The following NSD1 variants were observed in gnomAD, a reference collection of about 807,000 sequenced individuals.
The protein encoded by NSD1 is histone-lysine N-methyltransferase, H3 lysine-36 specific.
NSD1 carries 26 observed loss-of-function variants against 242.7 expected under a neutral mutation model. The ratio of observed to expected loss-of-function variants is 0.11; its 90% CI spans 0.08 to 0.15. The LOEUF is 0.15. Ranked by LOEUF, NSD1 falls within the 10% of genes least tolerant of loss-of-function variation. The pLI is 1.00. For missense variants in NSD1, 2,495 were observed against 3,272.8 expected, an observed-to-expected ratio of 0.76 and a Z score of 5.80; for synonymous variants, 1,106 against 1,178.1, an observed-to-expected ratio of 0.94 and a Z score of 1.25.
At chr5:177,132,981 T>C (rs186329298), upstream of NSD1, 637 of 152,804 alleles carry the variant, frequency 4.2e-3, 11 homozygotes, top group East Asian at 0.036. The surrounding 1 kb of genome is among the most constrained non-coding windows in gnomAD (Gnocchi z 7.5). Flanking sequence ...TGCACAGGCT[T>C]GGCTCAGGGA....
Position 177,238,572 on chromosome 5 carries a change from A to G in NSD1, c.4192+65A>G, listed in dbSNP as rs1407070283. The G allele has an allele frequency of 2.5e-6, 4 of 1,570,212 alleles. No homozygotes were observed. Among genetic ancestry groups the G allele is most frequent in the East Asian group, 4.5e-5 (2 of 44,750 alleles). ...ATTAGAGGAAGCAGGAGATTTTAGT[A>G]TGTTTTGATGTAAAGCCAACATTGT... On this transcript the variant is annotated intron_variant, in intron 7 of 22. Coordinates refer to ENST00000439151, the MANE Select transcript of NSD1 (RefSeq NM_022455.5). This position sits in a 1 kb window ranked among gnomAD's most constrained non-coding sequence, Gnocchi z 4.6.
chr5:177,269,104 A>G lies in NSD1; in HGVS notation c.5304-498A>G, dbSNP rs1400247662. On this transcript the variant is annotated intron_variant, in intron 15 of 22. Coordinates refer to ENST00000439151, the MANE Select transcript of NSD1 (RefSeq NM_022455.5). The surrounding 1 kb of genome is among the most constrained non-coding windows in gnomAD (Gnocchi z 5.1). ...CCCTAAAGTGGCTGTATAGTAATTT[A>G]CATTCTTTGATTTTGTTTGTATGTG... is the stretch of plus-strand genomic sequence containing the variant. Among the ~76,000 whole-genome samples, 2 of 152,102 alleles carry G rather than the reference A, an allele frequency of 1.3e-5. No individual in the cohort carries two copies. The highest frequency in any genetic ancestry group is 2.4e-5 in the African/African-American group (1 of 41,424).
intron 17 of NSD1, among the ~76,000 whole-genome samples, chr5:177,276,644 TC>T (rs377618651): frequency 6.6e-6 from 1 of 151,592 alleles, no homozygotes; most frequent in East Asian, 1.9e-4. Flanking sequence ...TGCTTTTTTC[TC>T]CCCCCCTTTA....
chr5:177,223,526 T>C (rs1268662949), intron 5 of NSD1, among the ~76,000 whole-genome samples: 1 of 151,866 alleles, frequency 6.6e-6, no homozygotes, highest in Non-Finnish European at 1.5e-5. Context: ...TGAGCTGATA[T>C]TGTGCCATAG....
rs200856103 is a variant in NSD1 at position 177,211,488 on chromosome 5, T to C, written c.3089T>C (p.Leu1030Ser). 1.2e-4 allele frequency: 192 copies of C among 1,614,138 alleles called. No individual in the cohort carries two copies. The highest frequency in any genetic ancestry group is 1.5e-4 in the Non-Finnish European group (179 of 1,180,032). ...GGACGATCAAAGCCTTCATCCAAAT[T>C]GCGAGATGCTTTTTCAGCCCAAATG... ...NCGRSKPSSKLRDAFSAQMVK... is the reference protein window; with the variant it reads ...NCGRSKPSSKSRDAFSAQMVK... Residue 1030 changes from leucine to serine, a missense_variant, in exon 5 of 23, where the codon TTG (leucine) becomes TCG (serine). This residue lies in a region of NSD1 where 426 missense variants were observed against 411.4 expected (regional missense o/e 1.04). Transcript: ENST00000439151.
intron 2 of NSD1, among the ~76,000 whole-genome samples, chr5:177,188,446 A>G (rs527854844): frequency 6.6e-6 from 1 of 152,230 alleles, no homozygotes; most frequent in Non-Finnish European, 1.5e-5. Flanking sequence ...TGGTCATGTA[A>G]ATTTTTCAAG....
chr5:177,158,510 G>A (rs1758392053), intron 2 of NSD1, among the ~76,000 whole-genome samples: 1 of 151,408 alleles, frequency 6.6e-6, no homozygotes, highest in Admixed American at 6.6e-5. Context: ...GCTAATGTTT[G>A]TATTTTTGGT....
intron 2 of NSD1, among the ~76,000 whole-genome samples, chr5:177,158,301 CTTTT>C (rs1180140111): frequency 9.2e-6 from 1 of 108,566 alleles, no homozygotes; most frequent in African/African-American, 3.4e-5. Flanking sequence ...TTCTTTCTTT[CTTTT>C]CTTTCTTTTC....
Position 177,238,600 on chromosome 5 carries a change from C to A in NSD1, c.4192+93C>A. The stretch of plus-strand genomic sequence containing the variant: ...TTTTGATGTAAAGCCAACATTGTAT[C>A]TATATACAATAAACTACCCCCTTTT... On this transcript the variant is annotated intron_variant, in intron 7 of 22. Transcript: ENST00000439151. The surrounding 1 kb of genome is among the most constrained non-coding windows in gnomAD (Gnocchi z 4.6). The A allele has an allele frequency of 7.2e-7, 1 of 1,393,546 alleles. No homozygotes were observed. Among genetic ancestry groups the A allele is most frequent in the Non-Finnish European group, 1.0e-6 (1 of 993,760 alleles). 86.3% of individuals were successfully genotyped at this position (1,393,546 alleles called of 1,614,324 possible).
At chr5:177,263,653 T>C (rs1018681931) in intron 14 of NSD1, among the ~76,000 whole-genome samples, 1 of 152,266 alleles carries the variant, frequency 6.6e-6, no homozygotes, top group Non-Finnish European at 1.5e-5. Flanking sequence ...TGCATACTGA[T>C]GGTTATCTTG....
intron 20 of NSD1, among the ~76,000 whole-genome samples, chr5:177,284,378 A>C (rs1759131591): frequency 6.6e-6 from 1 of 152,198 alleles, no homozygotes; most frequent in East Asian, 1.9e-4. Context: ...ACTGGGCTCA[A>C]GCAATCCTGC....
At chr5:177,149,337 GC>G (rs1757517026) in intron 2 of NSD1, among the ~76,000 whole-genome samples, 1 of 151,770 alleles carries the variant, frequency 6.6e-6, no homozygotes, top group Non-Finnish European at 1.5e-5. Flanking sequence ...TCGTGCGTCA[GC>G]CTCTGGAGTA....
chr5:177,204,316 A>G (rs1396766414), intron 4 of NSD1, 24 bp downstream of exon 4: 1 of 1,603,442 alleles, frequency 6.2e-7, no homozygotes, highest in Non-Finnish European at 8.5e-7. Context: ...AAGGCTTTTT[A>G]TTGAGTGACA....
rs1756248772 is a variant in NSD1, at chr5:177,135,596, G to C, written c.493G>C (p.Asp165His). 2 of 1,614,068 alleles carry C rather than the reference G, an allele frequency of 1.2e-6. No homozygotes were observed. The highest frequency in any genetic ancestry group is 8.5e-7 in the Non-Finnish European group (1 of 1,180,038). The change falls in exon 2 of 23, where the codon GAT (aspartate) becomes CAT (histidine). Residue 165 changes from aspartate to histidine, a missense_variant. Transcript: ENST00000439151. ...TACTTGTGTGGACGATGCAGATGTA[G>C]ATTCTGAAATGGACCCAGAACAGCC... ...NFTCVDDADV[D>H]SEMDPEQPVT...
intron 14 of NSD1, among the ~76,000 whole-genome samples, chr5:177,262,739 C>T (rs1010052877): frequency 3.3e-5 from 5 of 152,180 alleles, no homozygotes; most frequent in Non-Finnish European, 4.4e-5. Context: ...CTTAGCCAGG[C>T]GTGATGGCAG....
chr5:177,279,838 T>C (rs1581524774), intron 17 of NSD1, among the ~76,000 whole-genome samples: 2 of 150,066 alleles, frequency 1.3e-5, no homozygotes, highest in East Asian at 2.0e-4. Flanking sequence ...AGGATGGTCT[T>C]GATTTCCTGA....
rs2149849217 is a variant in NSD1, at chr5:177,212,088, C to T, written c.3689C>T (p.Ala1230Val). 2 of 1,614,102 alleles carry T rather than the reference C, an allele frequency of 1.2e-6. No homozygotes were observed. Among genetic ancestry groups the T allele is most frequent in the South Asian group, 1.1e-5 (1 of 91,084 alleles). ...EQNHADCLDSAGPRLNVCDKS... is the reference protein window; with the variant it reads ...EQNHADCLDSVGPRLNVCDKS... ...AATCATGCTGACTGCTTAGATTCAGCTGGGCCACGGTTAAATGTTTGTGAT... is the reference window on the plus strand; with the variant it reads ...AATCATGCTGACTGCTTAGATTCAGTTGGGCCACGGTTAAATGTTTGTGAT... Residue 1230 changes from alanine to valine, a missense_variant, in exon 5 of 23, where the codon GCT (alanine) becomes GTT (valine). Physicochemically the swap from Ala to Val is moderately conservative, Grantham distance 64. This residue lies in a region of NSD1 where 426 missense variants were observed against 411.4 expected (regional missense o/e 1.04). Transcript: ENST00000439151.
intron 2 of NSD1, among the ~76,000 whole-genome samples, chr5:177,141,583 G>A (rs1756829464): frequency 6.6e-6 from 1 of 151,976 alleles, no homozygotes; most frequent in Non-Finnish European, 1.5e-5. Flanking sequence ...ACCTGCTTCA[G>A]TCTTTCAAAG....
intron 3 of NSD1, among the ~76,000 whole-genome samples, chr5:177,195,101 G>T: frequency 6.6e-6 from 1 of 152,078 alleles, no homozygotes. Context: ...GGAGGTTGCC[G>T]TGATCCAAGA....
Sources: gnomAD v4.1 joint callset for allele counts (sites outside exome capture counted in the v4.1 genomes callset) on GRCh38, gnomAD v4.1.1 for gene constraint, gnomAD v4.1.1 regional missense constraint, Gnocchi (gnomAD v3.1) non-coding constraint, MANE v1.5 for transcripts, NCBI Gene and HGNC (gene_info 2026-07-23, HGNC 2026-07-21) for gene names.